The following MAGI2 variants were observed in gnomAD, a reference collection of about 807,000 sequenced individuals.
The protein encoded by MAGI2 is membrane associated guanylate kinase, WW and PDZ domain containing 2.
A neutral mutation model predicts 133.3 loss-of-function variants in MAGI2; 35 were observed. The observed-to-expected ratio is 0.26, with a 90% CI of 0.20 to 0.35. MAGI2 has a LOEUF of 0.35. MAGI2 is among the 10% of genes least tolerant of loss of function. MAGI2 has a pLI of 1.00. For missense variants in MAGI2, 1,636 were observed against 1,863.4 expected (o/e 0.88, Z 2.25); for synonymous variants, 729 against 710.6 (o/e 1.03, Z -0.41).
At chr7:79,212,657 T>G (rs900851047) in intron 1 of MAGI2, among the ~76,000 whole-genome samples, 7 of 152,074 alleles carry the variant, frequency 4.6e-5, no homozygotes, top group Admixed American at 1.3e-4. Flanking sequence ...ACCTGTTCTG[T>G]TAGAGGAGCT....
At chr7:78,614,965 G>C (rs1377791266) in intron 3 of MAGI2, 1 of 152,094 alleles carries the variant, frequency 6.6e-6, no homozygotes. Flanking sequence ...AGCTATGCGG[G>C]GTTGCAATAT....
At chr7:79,010,641 G>A (rs1225127902) in intron 1 of MAGI2, among the ~76,000 whole-genome samples, 8 of 152,094 alleles carry the variant, frequency 5.3e-5, no homozygotes, top group Non-Finnish European at 1.0e-4. Flanking sequence ...CACATCAATC[G>A]TTTTGTTGAG....
intron 9 of MAGI2, among the ~76,000 whole-genome samples, chr7:78,287,999 A>G (rs1414546479): frequency 6.6e-6 from 1 of 152,196 alleles, no homozygotes; most frequent in Non-Finnish European, 1.5e-5. Context: ...TCATTTAGAC[A>G]AGAGAAGAAG....
At chr7:78,273,704 C>T (rs556995747) in intron 9 of MAGI2, among the ~76,000 whole-genome samples, 1 of 152,108 alleles carries the variant, frequency 6.6e-6, no homozygotes, top group South Asian at 2.1e-4. Flanking sequence ...TCTCTAATAT[C>T]CTTTCTTCCA....
chr7:78,156,455 A>G lies in MAGI2; in HGVS notation c.2845+3570T>C, dbSNP rs145071201. Among the ~76,000 whole-genome samples, 588 of 152,314 alleles carry G rather than the reference A, an allele frequency of 3.9e-3. 2 individuals are homozygous for G. The highest frequency in any genetic ancestry group is 6.4e-3 in the Non-Finnish European group (435 of 68,016). ...TCGACAAGAGTGAGCTGGTGGAATG[A>G]AAGATAATTCCTAGAAGGGATGATA... On this transcript the variant is annotated intron_variant, in intron 16 of 21. Transcript: ENST00000354212.
chr7:79,105,110 A>C (rs1362212040), intron 1 of MAGI2, among the ~76,000 whole-genome samples: 1 of 152,220 alleles, frequency 6.6e-6, no homozygotes, highest in African/African-American at 2.4e-5. Flanking sequence ...TTTTAGATTT[A>C]ACAAATCGTT....
chr7:78,211,545 A>G (rs1208924129), intron 10 of MAGI2, among the ~76,000 whole-genome samples: 1 of 152,206 alleles, frequency 6.6e-6, no homozygotes, highest in Admixed American at 6.5e-5. Flanking sequence ...TCACAGATGC[A>G]TGACTGTGAT....
chr7:78,167,926 C>T lies in MAGI2; in HGVS notation c.2586G>A (p.Val862=), dbSNP rs1825767742. The change falls in exon 15 of 22, where the codon GTG becomes GTA. Residue 862 remains valine, a synonymous_variant. Coordinates refer to ENST00000354212, the MANE Select transcript of MAGI2 (RefSeq NM_012301.4). Reference sequence around the variant, plus strand: ...GCTCCAGGTACATACCTCCACATAGCACCTTTCTTCTCACAGTGAGGTTGA... The same window carrying T: ...GCTCCAGGTACATACCTCCACATAGTACCTTTCTTCTCACAGTGAGGTTGA... ...GQVNLTVRRK[V]LCGGEPCPEN... 2 of 1,613,884 alleles carry T rather than the reference C, an allele frequency of 1.2e-6. No homozygotes were observed. Among genetic ancestry groups the T allele is most frequent in the Admixed American group, 3.3e-5 (2 of 60,006 alleles).
chr7:79,125,944 AG>A (rs1325551217), intron 1 of MAGI2, among the ~76,000 whole-genome samples: 1 of 152,382 alleles, frequency 6.6e-6, no homozygotes, highest in African/African-American at 2.4e-5. Context: ...GCTACAAAGA[AG>A]ACATGTTTTA....
At chr7:78,423,388 T>C (rs2151412598) in intron 6 of MAGI2, among the ~76,000 whole-genome samples, 1 of 152,336 alleles carries the variant, frequency 6.6e-6, no homozygotes, top group South Asian at 2.1e-4. Context: ...ATTAAACCTC[T>C]TTCTTTTGTA....
chr7:78,279,428 C>A (rs374190928), intron 9 of MAGI2, among the ~76,000 whole-genome samples: 1 of 134,788 alleles, frequency 7.4e-6, no homozygotes, highest in Admixed American at 7.7e-5. Flanking sequence ...TAAATTTTCT[C>A]TTGTTTGTGC....
intron 21 of MAGI2, among the ~76,000 whole-genome samples, chr7:78,076,855 A>ATCCC (rs1815379215): frequency 7.5e-6 from 1 of 133,778 alleles, no homozygotes; most frequent in Non-Finnish European, 1.7e-5. Flanking sequence ...TCCGTCTCAA[A>ATCCC]AAAAAAAAAA....
chr7:78,160,036 C>A lies in MAGI2; in HGVS notation c.2834G>T (p.Gly945Val). 6.4e-7 allele frequency: 1 copy of A among 1,569,796 alleles called. No homozygotes were observed. Residue 945 changes from glycine to valine, a missense_variant, in exon 16 of 22, where the codon GGA becomes GTA. Physicochemically the swap from Gly to Val is moderately radical, Grantham distance 109. Coordinates refer to ENST00000354212, the MANE Select transcript of MAGI2 (RefSeq NM_012301.4). ...ATTTCAGCACTTACTTATAGTGGAT[C>A]CAGACTCAGGCCTGTTCAGGGAGCT... The part of the protein sequence containing the change: ...IISSLNRPES[G>V]STITVPHKIG...
intron 6 of MAGI2, among the ~76,000 whole-genome samples, chr7:78,430,914 AATT>A (rs1799731477): frequency 6.6e-6 from 1 of 152,118 alleles, no homozygotes; most frequent in South Asian, 2.1e-4. Context: ...GAAAGCCAGA[AATT>A]CCTGAGAGAA....
chr7:78,699,819 A>C (rs1817884061), intron 2 of MAGI2, among the ~76,000 whole-genome samples: 1 of 152,140 alleles, frequency 6.6e-6, no homozygotes, highest in Admixed American at 6.6e-5. Flanking sequence ...TCCAACCATA[A>C]AAAGTGAGTA....
At chr7:79,239,865 T>C (rs1832248666) in intron 1 of MAGI2, among the ~76,000 whole-genome samples, 1 of 152,212 alleles carries the variant, frequency 6.6e-6, no homozygotes, top group Admixed American at 6.5e-5. Context: ...TTTATCCTTT[T>C]TCCAGGTGGC....
intron 6 of MAGI2, among the ~76,000 whole-genome samples, chr7:78,436,715 C>T (rs1389634762): frequency 6.6e-6 from 1 of 152,140 alleles, no homozygotes; most frequent in African/African-American, 2.4e-5. Flanking sequence ...CACTCACGGA[C>T]CCTCTCTATA....
At chr7:78,078,716 C>T in intron 21 of MAGI2, 1 of 594,462 alleles carries the variant, frequency 1.7e-6, no homozygotes, top group Non-Finnish European at 2.9e-6. Context: ...TTAAACATTC[C>T]TTAATGGAGG....
chr7:78,505,289 G>A (rs1794985662), intron 4 of MAGI2, among the ~76,000 whole-genome samples: 1 of 152,020 alleles, frequency 6.6e-6, no homozygotes, highest in East Asian at 1.9e-4. Context: ...TAGAAATAAA[G>A]TATCTATTAG....
Sources: allele counts gnomAD v4.1 joint callset (sites outside exome capture counted in the v4.1 genomes callset), GRCh38; gene constraint gnomAD v4.1.1; transcripts MANE v1.5; gene names NCBI Gene and HGNC (gene_info 2026-07-23, HGNC 2026-07-21).